The following SYT1 variants were observed in gnomAD, a reference collection of about 807,000 sequenced individuals.
The protein encoded by SYT1 is synaptotagmin 1.
In SYT1, 8 loss-of-function variants were observed where a neutral mutation model predicts 44.8. The observed-to-expected ratio is 0.18, with a 90% confidence interval of 0.10 to 0.32. The LOEUF (loss-of-function observed/expected upper bound fraction) is 0.32. SYT1 is among the 10% of genes least tolerant of loss of function. The pLI is 1.00. For synonymous variants in SYT1, 154 were observed against 188.8 expected (o/e 0.82, Z 1.51); for missense variants, 286 against 509.3 (o/e 0.56, Z 4.22).
intron 9 of SYT1, among the ~76,000 whole-genome samples, chr12:79,418,491 C>T (rs17294719): frequency 0.12 from 17,819 of 152,090 alleles, 1,078 homozygotes; most frequent in Middle Eastern, 0.13. Flanking sequence ...TTGAAGAGCC[C>T]GAACCTGTTA....
At chr12:78,877,743 C>T (rs2137049917) in intron 1 of SYT1, among the ~76,000 whole-genome samples, 1 of 151,888 alleles carries the variant, frequency 6.6e-6, no homozygotes, top group South Asian at 2.1e-4. Flanking sequence ...ATCCTCCCAA[C>T]TCAGCTACCT....
chr12:78,957,548 A>T (rs1266123411), intron 1 of SYT1, among the ~76,000 whole-genome samples: 1 of 152,200 alleles, frequency 6.6e-6, no homozygotes, highest in Non-Finnish European at 1.5e-5. Context: ...GAACTCAGAA[A>T]GATTAAGTAA....
intron 9 of SYT1, among the ~76,000 whole-genome samples, chr12:79,382,123 A>G (rs1404340104): frequency 2.0e-5 from 3 of 152,334 alleles, no homozygotes; most frequent in Admixed American, 1.3e-4. Context: ...AAGAAACGCT[A>G]CAGATGAAAA....
At chr12:78,871,032 A>G (rs530165896) in intron 1 of SYT1, among the ~76,000 whole-genome samples, 2 of 152,220 alleles carry the variant, frequency 1.3e-5, no homozygotes, top group Admixed American at 6.6e-5. Context: ...GCAAAAGATG[A>G]AGCTGTTAAA....
chr12:79,342,401 T>G (rs1366129845), intron 8 of SYT1, among the ~76,000 whole-genome samples: 1 of 148,890 alleles, frequency 6.7e-6, no homozygotes, highest in East Asian at 2.0e-4. Flanking sequence ...CCGGCTATTT[T>G]TTTGTTTTTT....
intron 3 of SYT1, among the ~76,000 whole-genome samples, chr12:79,058,314 T>C (rs118062482): frequency 9.2e-5 from 14 of 152,264 alleles, no homozygotes; most frequent in Non-Finnish European, 1.6e-4. Flanking sequence ...TTATGGTGAC[T>C]GTGTGAGTGA....
intron 3 of SYT1, among the ~76,000 whole-genome samples, chr12:79,117,007 C>G (rs1325513157): frequency 6.6e-6 from 1 of 152,094 alleles, no homozygotes; most frequent in Non-Finnish European, 1.5e-5. Flanking sequence ...AATGAGGAAG[C>G]CATGGTACAA....
intron 2 of SYT1, among the ~76,000 whole-genome samples, chr12:79,012,971 C>A (rs1013028715): frequency 6.6e-6 from 1 of 152,030 alleles, no homozygotes. Context: ...ACTACAAGGC[C>A]CCTCCTCCCA....
intron 3 of SYT1, among the ~76,000 whole-genome samples, chr12:79,140,044 T>C (rs981664973): frequency 1.3e-5 from 2 of 152,212 alleles, no homozygotes; most frequent in Non-Finnish European, 2.9e-5. Flanking sequence ...AGATAGGTAG[T>C]ATATGGCCTC....
chr12:79,220,099 C>T (rs559255671), intron 4 of SYT1, among the ~76,000 whole-genome samples: 1 of 152,016 alleles, frequency 6.6e-6, no homozygotes, highest in South Asian at 2.1e-4. Context: ...ATCTTTTGTT[C>T]ATTACTGATC....
intron 3 of SYT1, among the ~76,000 whole-genome samples, chr12:79,181,508 C>CT (rs933669525): frequency 1.3e-5 from 2 of 151,972 alleles, no homozygotes; most frequent in African/African-American, 4.8e-5. Context: ...TCTTCTCTCC[C>CT]TTTTTTTTCT....
chr12:78,965,492 C>T (rs768287854), intron 1 of SYT1, among the ~76,000 whole-genome samples: 1 of 152,178 alleles, frequency 6.6e-6, no homozygotes, highest in Non-Finnish European at 1.5e-5. Flanking sequence ...AAATCAAATA[C>T]ATGTGTTCCC....
intron 3 of SYT1, among the ~76,000 whole-genome samples, chr12:79,136,437 G>A (rs1869194709): frequency 6.6e-6 from 1 of 152,134 alleles, no homozygotes; most frequent in Non-Finnish European, 1.5e-5. Context: ...ACCATATTTT[G>A]CCAACCTTGA....
At chr12:79,328,308 A>G (rs190802687) in intron 8 of SYT1, among the ~76,000 whole-genome samples, 12 of 152,352 alleles carry the variant, frequency 7.9e-5, no homozygotes, top group African/African-American at 2.9e-4. Context: ...AGGACAATAA[A>G]TGAAATTACA....
At position 79,185,424 on chromosome 12, in the gene SYT1, A is replaced by T. The variant is rs368119197; in HGVS notation, c.-17-32079A>T. Among the ~76,000 whole-genome samples the T allele has an allele frequency of 1.6e-4, 25 of 152,098 alleles. No individual in the cohort carries two copies. In the East Asian group the frequency reaches 1.9e-3, roughly 12 times the overall value. On this transcript the variant is annotated intron_variant, in intron 3 of 10. Coordinates refer to ENST00000261205, the MANE Select transcript of SYT1 (RefSeq NM_005639.3). ...GATCTAGTGTGAGATTTTACAGAAC[A>T]ACTATTCCACCTTTCCAATATCCCT...
At chr12:79,347,388 T>C (rs1882657267) in intron 8 of SYT1, among the ~76,000 whole-genome samples, 1 of 152,134 alleles carries the variant, frequency 6.6e-6, no homozygotes, top group African/African-American at 2.4e-5. Context: ...TGATAAAATC[T>C]CATCCTTGTT....
intron 1 of SYT1, among the ~76,000 whole-genome samples, chr12:78,955,183 T>G (rs1310543327): frequency 6.6e-6 from 1 of 152,194 alleles, no homozygotes; most frequent in Non-Finnish European, 1.5e-5. Flanking sequence ...TCAACAGTTC[T>G]GTTTGGTTTT....
chr12:79,107,728 A>T (rs1277189616), intron 3 of SYT1, among the ~76,000 whole-genome samples: 1 of 152,022 alleles, frequency 6.6e-6, no homozygotes, highest in African/African-American at 2.4e-5. Flanking sequence ...ATTTAGATAC[A>T]ATATAAATAG....
At chr12:78,988,269 CAAAT>C (rs1396840801) in intron 2 of SYT1, among the ~76,000 whole-genome samples, 2 of 151,386 alleles carry the variant, frequency 1.3e-5, no homozygotes, top group East Asian at 3.9e-4. Flanking sequence ...AGATATTAAA[CAAAT>C]AAACAATAAA....
Sources: gnomAD v4.1 joint callset for allele counts (sites outside exome capture counted in the v4.1 genomes callset) on GRCh38, gnomAD v4.1.1 for gene constraint, MANE v1.5 for transcripts, NCBI Gene and HGNC (gene_info 2026-07-23, HGNC 2026-07-21) for gene names.